Variants in TTLL11 observed in about 807,000 individuals in gnomAD.
TTLL11 encodes tubulin tyrosine ligase like 11, also known as tubulin polyglutamylase TTLL11.
A neutral mutation model predicts 51.7 loss-of-function variants in TTLL11; 42 were observed. The ratio of observed to expected loss-of-function variants is 0.81; its 90% CI spans 0.64 to 1.05. The LOEUF (loss-of-function observed/expected upper bound fraction) is 1.05. Ranked by LOEUF, TTLL11 falls within the 50% of genes least tolerant of loss-of-function variation. The pLI is 0.00. For synonymous variants in TTLL11, 381 were observed against 383.5 expected (o/e 0.99, Z 0.08); for missense variants, 799 against 940.4 (o/e 0.85, Z 1.97).
At chr9:121,957,741 C>T (rs1842063631) in intron 6 of TTLL11, among the ~76,000 whole-genome samples, 1 of 152,184 alleles carries the variant, frequency 6.6e-6, no homozygotes, top group Admixed American at 6.5e-5. Flanking sequence ...AGTCCATCCT[C>T]TCAAGAGCAA....
intron 2 of TTLL11, among the ~76,000 whole-genome samples, chr9:122,036,355 C>G (rs894601778): frequency 6.6e-6 from 1 of 151,970 alleles, no homozygotes; most frequent in African/African-American, 2.4e-5. Context: ...CCCTGAAACT[C>G]AGCAAAAGAC....
rs1195897878 is a variant in TTLL11, at chr9:121,989,225, G to A, written c.1239C>T (p.Pro413=). 1 of 1,614,094 alleles carries A rather than the reference G, an allele frequency of 6.2e-7. No individual in the cohort carries two copies. Among genetic ancestry groups the A allele is most frequent in the South Asian group, 1.1e-5 (1 of 91,070 alleles). The stretch of plus-strand genomic sequence containing the variant: ...AGCACGTGGGGCCCGGCCTCCCCGT[G>A]GGGATGTCTGACTGGTAGAAGACTT... ...ELKVFYQSDI[P]TGRPGPTCFQ... The change falls in exon 4 of 9, where the codon CCC becomes CCT. Residue 413 remains proline (P), a synonymous_variant. Coordinates refer to ENST00000321582, the MANE Select transcript of TTLL11 (RefSeq NM_001139442.2). This position sits in a 1 kb window ranked among gnomAD's most constrained non-coding sequence, Gnocchi z 4.2.
chr9:121,964,646 T>C (rs1348052071), intron 6 of TTLL11, among the ~76,000 whole-genome samples: 1 of 152,088 alleles, frequency 6.6e-6, no homozygotes, highest in Non-Finnish European at 1.5e-5. Flanking sequence ...TGGGTTTCCA[T>C]CTAGCTCCCA....
Position 121,822,247 on chromosome 9 carries a change from T to G in TTLL11, c.*340A>C. 1.8e-5 allele frequency: 3 copies of G among 164,310 alleles called. No homozygotes were observed. Among genetic ancestry groups the G allele is most frequent in the African/African-American group, 2.4e-5 (1 of 42,064 alleles). The allele number at this position is 164,310 out of a possible 1,614,324, so 10.2% of individuals were successfully genotyped here. ...CTCTCCACAGCTCCGGGCCTTGGGA[T>G]CGATTGTGTCCTGTGCCCCAAATAC... On this transcript the variant is annotated 3_prime_UTR_variant, in exon 9 of 9. Transcript: ENST00000321582. This position sits in a 1 kb window ranked among gnomAD's most constrained non-coding sequence, Gnocchi z 5.8.
At chr9:121,891,294 G>A (rs530355520) in intron 6 of TTLL11, among the ~76,000 whole-genome samples, 1 of 152,262 alleles carries the variant, frequency 6.6e-6, no homozygotes, top group Admixed American at 6.5e-5. Context: ...GCTTCAACCT[G>A]AAACAATGGC....
intron 6 of TTLL11, among the ~76,000 whole-genome samples, chr9:121,960,599 C>T (rs77112099): frequency 0.012 from 1,840 of 152,258 alleles, 30 homozygotes; most frequent in African/African-American, 0.042. Context: ...CGGGCATCAC[C>T]GATCCAGCCT....
chr9:121,926,012 G>C (rs1453855637), intron 6 of TTLL11, among the ~76,000 whole-genome samples: 2 of 152,208 alleles, frequency 1.3e-5, no homozygotes, highest in Non-Finnish European at 2.9e-5. Flanking sequence ...TCCAGGTTCT[G>C]TGTTCCTCTC....
At chr9:122,053,267 T>C (rs1163082343) in intron 1 of TTLL11, among the ~76,000 whole-genome samples, 1 of 151,984 alleles carries the variant, frequency 6.6e-6, no homozygotes, top group Non-Finnish European at 1.5e-5. Flanking sequence ...GGAGCAGTGG[T>C]TTCTGGTCTA....
At chr9:121,846,964 A>G (rs989228232) in intron 8 of TTLL11, among the ~76,000 whole-genome samples, 1 of 152,206 alleles carries the variant, frequency 6.6e-6, no homozygotes, top group Non-Finnish European at 1.5e-5. Flanking sequence ...TAATCCCAGC[A>G]CTTTGGGAGG....
chr9:121,953,385 C>A (rs1274728431), intron 6 of TTLL11, among the ~76,000 whole-genome samples: 3 of 152,092 alleles, frequency 2.0e-5, no homozygotes, highest in Admixed American at 6.5e-5. Flanking sequence ...GTAATCCCAG[C>A]ACATTGGGTG....
At chr9:121,831,637 T>C (rs1186362073) in intron 8 of TTLL11, among the ~76,000 whole-genome samples, 1 of 150,348 alleles carries the variant, frequency 6.7e-6, no homozygotes, top group Non-Finnish European at 1.5e-5. Flanking sequence ...GAGGTGGAGG[T>C]TGCAGTGAGC....
chr9:121,951,925 T>G (rs1352795374), intron 6 of TTLL11, among the ~76,000 whole-genome samples: 1 of 152,240 alleles, frequency 6.6e-6, no homozygotes, highest in East Asian at 1.9e-4. Context: ...GCCATTGCCA[T>G]GGCATTTGTA....
chr9:121,993,857 T>C (rs758948080), intron 3 of TTLL11, among the ~76,000 whole-genome samples: 35 of 152,196 alleles, frequency 2.3e-4, no homozygotes, highest in Middle Eastern at 3.2e-3. Flanking sequence ...CAAAACCAGT[T>C]AGGGCAGTCC....
chr9:121,957,141 C>T (rs1338090808), intron 6 of TTLL11, among the ~76,000 whole-genome samples: 1 of 152,184 alleles, frequency 6.6e-6, no homozygotes, highest in African/African-American at 2.4e-5. Context: ...CTCTCTCCCA[C>T]CCCAACCCCT....
At position 122,039,258 on chromosome 9, in the gene TTLL11, A is replaced by G; in HGVS notation, c.559+14T>C. 1.9e-6 allele frequency: 3 copies of G among 1,609,568 alleles called. No individual in the cohort carries two copies. The highest frequency in any genetic ancestry group is 2.6e-6 in the Non-Finnish European group (3 of 1,176,122). On this transcript the variant is annotated intron_variant, in intron 2 of 8. Coordinates refer to ENST00000321582, the MANE Select transcript of TTLL11 (RefSeq NM_001139442.2). ...CTAGAAACATGTTTAAATGTCAACA[A>G]TAACAGCAGATACCTGGAAACTTGT...
Position 121,819,962 on chromosome 9 carries a change from A to T in TTLL11, c.*2625T>A, listed in dbSNP as rs1836528065. On this transcript the variant is annotated 3_prime_UTR_variant, in exon 9 of 9. Transcript: ENST00000321582. ...AACTGAAAAGGGCCAATCTGTCAGG[A>T]CTGGCCTCTCATAAAACCACAGCCT... 6.6e-6 allele frequency among the ~76,000 whole-genome samples: 1 copy of T among 152,190 alleles called. No homozygotes were observed. The highest frequency in any genetic ancestry group is 1.5e-5 in the Non-Finnish European group (1 of 68,036).
At chr9:121,969,607 G>T (rs1842501339) in intron 6 of TTLL11, among the ~76,000 whole-genome samples, 1 of 152,164 alleles carries the variant, frequency 6.6e-6, no homozygotes, top group Admixed American at 6.5e-5. Context: ...CTGTTCTCAA[G>T]AAATAACTAA....
At chr9:121,833,642 G>T (rs1256968148) in intron 8 of TTLL11, among the ~76,000 whole-genome samples, 1 of 152,138 alleles carries the variant, frequency 6.6e-6, no homozygotes, top group Non-Finnish European at 1.5e-5. Context: ...GCTTGTCAAG[G>T]TCATCGTCTA....
Position 122,092,713 on chromosome 9 carries a change from T to C in TTLL11, c.436A>G (p.Ser146Gly), listed in dbSNP as rs1477211010. Residue 146 changes from serine (S) to glycine (G), a missense_variant, in exon 1 of 9, where the codon AGC (serine) becomes GGC (glycine). By Grantham distance (56) the Ser-to-Gly change is moderately conservative (BLOSUM62 0). Coordinates refer to ENST00000321582, the MANE Select transcript of TTLL11 (RefSeq NM_001139442.2). Reference protein sequence around the residue: ...ARTSLDALKISIRQLKWKEFP... With the variant: ...ARTSLDALKIGIRQLKWKEFP... ...TCCTTCCACTTGAGCTGGCGGATGC[T>C]GATCTTCAGGGCATCCAGGGAGGTC... is the stretch of plus-strand genomic sequence containing the variant. The C allele has an allele frequency of 1.3e-6, 2 of 1,537,804 alleles. No individual in the cohort carries two copies. The highest frequency in any genetic ancestry group is 2.0e-5 in the Admixed American group (1 of 51,112).
Sources: allele counts gnomAD v4.1 joint callset (sites outside exome capture counted in the v4.1 genomes callset), GRCh38; gene constraint gnomAD v4.1.1; non-coding constraint Gnocchi (gnomAD v3.1); transcripts MANE v1.5; gene names NCBI Gene and HGNC (gene_info 2026-07-23, HGNC 2026-07-21).